The following OSBP2 variants were observed in gnomAD, a reference collection of about 807,000 sequenced individuals.
OSBP2 encodes oxysterol binding protein 2.
A neutral mutation model predicts 96.0 loss-of-function variants in OSBP2; 66 were observed. The observed-to-expected ratio is 0.69, with a 90% confidence interval of 0.56 to 0.84. The LOEUF is 0.84. Among genes scored for constraint, OSBP2 ranks in the 40% least tolerant of loss-of-function variants. The probability of loss-of-function intolerance (pLI) is 0.00; values close to 1 mark genes in which losing one functional copy is unlikely to be tolerated. For missense variants in OSBP2, 1,038 were observed against 1,222.7 expected (o/e 0.85, Z 2.25); for synonymous variants, 525 against 520.9 (o/e 1.01, Z -0.11).
At chr22:30,760,739 C>T (rs955603729) in intron 2 of OSBP2, among the ~76,000 whole-genome samples, 1 of 151,958 alleles carries the variant, frequency 6.6e-6, no homozygotes, top group African/African-American at 2.4e-5. Flanking sequence ...TCGCTTGAAC[C>T]CTGGCAGGGC....
intron 1 of OSBP2, among the ~76,000 whole-genome samples, chr22:30,703,580 A>G (rs957446707): frequency 4.6e-5 from 7 of 151,878 alleles, no homozygotes; most frequent in African/African-American, 1.5e-4. Context: ...GGTTCAAGCA[A>G]TTCTCCTGTC....
chr22:30,744,842 ACACTC>A (rs2089979079), intron 2 of OSBP2, among the ~76,000 whole-genome samples: 2 of 152,158 alleles, frequency 1.3e-5, no homozygotes, highest in African/African-American at 2.4e-5. Flanking sequence ...CATATACAAA[ACACTC>A]CACTCAACAA....
At chr22:30,900,484 G>T (rs2040172223) in intron 12 of OSBP2, among the ~76,000 whole-genome samples, 1 of 152,028 alleles carries the variant, frequency 6.6e-6, no homozygotes, top group South Asian at 2.1e-4. Context: ...CATGGAACTT[G>T]ATATTAGAAT....
At chr22:30,863,940 A>G (rs757417416) in intron 2 of OSBP2, among the ~76,000 whole-genome samples, 63 of 150,452 alleles carry the variant, frequency 4.2e-4, no homozygotes, top group Non-Finnish European at 3.7e-4. Context: ...GTTCTGAGCC[A>G]TGTTCTCAAA....
At chr22:30,879,357 T>G (rs148969843) in intron 3 of OSBP2, among the ~76,000 whole-genome samples, 1 of 152,250 alleles carries the variant, frequency 6.6e-6, no homozygotes, top group Non-Finnish European at 1.5e-5. Flanking sequence ...GGTTCCTGTG[T>G]GCGAGTGGCA....
At chr22:30,733,947 C>T (rs959149896) in intron 1 of OSBP2, among the ~76,000 whole-genome samples, 1 of 152,088 alleles carries the variant, frequency 6.6e-6, no homozygotes, top group African/African-American at 2.4e-5. Flanking sequence ...TGCCTCAAAA[C>T]ATGTCTCCTT....
intron 8 of OSBP2, among the ~76,000 whole-genome samples, chr22:30,891,644 C>G (rs2039950472): frequency 6.6e-6 from 1 of 151,728 alleles, no homozygotes; most frequent in African/African-American, 2.4e-5. Flanking sequence ...GTGTGGTGGC[C>G]AGACCTGGGG....
At chr22:30,762,660 G>A (rs566711692) in intron 2 of OSBP2, among the ~76,000 whole-genome samples, 173 of 152,368 alleles carry the variant, frequency 1.1e-3, no homozygotes, top group Non-Finnish European at 1.9e-3. Flanking sequence ...CAGCGTGAAT[G>A]CTGTACCTCT....
intron 2 of OSBP2, among the ~76,000 whole-genome samples, chr22:30,756,710 A>G (rs2090144915): frequency 6.6e-6 from 1 of 151,946 alleles, no homozygotes; most frequent in African/African-American, 2.4e-5. Flanking sequence ...AAACAAACAA[A>G]CAAAAAAAAC....
chr22:30,892,604 C>T (rs1182685850), intron 8 of OSBP2, among the ~76,000 whole-genome samples: 3 of 152,124 alleles, frequency 2.0e-5, no homozygotes, highest in Non-Finnish European at 4.4e-5. Context: ...GCCAGCAAGG[C>T]AGGGGAGGGC....
chr22:30,716,102 C>CTCA (rs2089451523), intron 1 of OSBP2, among the ~76,000 whole-genome samples: 1 of 150,772 alleles, frequency 6.6e-6, no homozygotes, highest in Non-Finnish European at 1.5e-5. Flanking sequence ...AGTGCAATGG[C>CTCA]ATGGTCTCGG....
chr22:30,729,592 T>G (rs2089711853), intron 1 of OSBP2, among the ~76,000 whole-genome samples: 1 of 152,140 alleles, frequency 6.6e-6, no homozygotes, highest in African/African-American at 2.4e-5. Flanking sequence ...GAGCCAAGAT[T>G]GTGCCATTGC....
Position 30,893,666 on chromosome 22 carries a change from A to C in OSBP2, c.2123A>C (p.Lys708Thr). 1 of 1,614,208 alleles carries C rather than the reference A, an allele frequency of 6.2e-7. No homozygotes were observed. Among genetic ancestry groups the C allele is most frequent in the Non-Finnish European group, 8.5e-7 (1 of 1,180,030 alleles). ...GGGGACATCGAGATTGTGAACCATA[A>C]GACCAATGACCGGTGCCAGCTGAAG... is the stretch of plus-strand genomic sequence containing the variant. ...QSGDIEIVNH[K>T]TNDRCQLKFL... Residue 708 changes from lysine (K) to threonine (T), a missense_variant, in exon 11 of 14, where the codon AAG becomes ACG. By Grantham distance (78) the Lys-to-Thr change is moderately conservative. Coordinates refer to ENST00000332585, the MANE Select transcript of OSBP2 (RefSeq NM_030758.4).
Position 30,813,430 on chromosome 22 carries a change from C to T in OSBP2, c.854-56999C>T, listed in dbSNP as rs535983605. Among the ~76,000 whole-genome samples, 625 of 151,926 alleles carry T rather than the reference C, an allele frequency of 4.1e-3. 1 individual carries two copies. Among genetic ancestry groups the T allele is most frequent in the Non-Finnish European group, 6.2e-3 (421 of 67,932 alleles). On this transcript the variant is annotated intron_variant, in intron 2 of 13. Transcript: ENST00000332585. ...CTCAAGTGATCCACCTGCCTCTGCCCCGCAAAGTGCTGGGATTATAGGCGT... is the reference window on the plus strand; with the variant it reads ...CTCAAGTGATCCACCTGCCTCTGCCTCGCAAAGTGCTGGGATTATAGGCGT...
intron 2 of OSBP2, among the ~76,000 whole-genome samples, chr22:30,818,639 T>C (rs55841013): frequency 0.047 from 7,206 of 152,220 alleles, 574 homozygotes; most frequent in African/African-American, 0.17. Flanking sequence ...CACAACCACA[T>C]CAATATGAAT....
At chr22:30,735,404 C>T (rs1403498414) in intron 1 of OSBP2, among the ~76,000 whole-genome samples, 1 of 139,172 alleles carries the variant, frequency 7.2e-6, no homozygotes, top group Non-Finnish European at 1.5e-5. Context: ...TTCTTCTCTT[C>T]TCTCTCTTTT....
chr22:30,845,668 G>A (rs568962404), intron 2 of OSBP2, among the ~76,000 whole-genome samples: 2 of 151,876 alleles, frequency 1.3e-5, no homozygotes, highest in Non-Finnish European at 2.9e-5. Flanking sequence ...CAGATCATGA[G>A]GTCAGGAGTT....
At chr22:30,732,582 C>T (rs1325742260) in intron 1 of OSBP2, among the ~76,000 whole-genome samples, 1 of 152,166 alleles carries the variant, frequency 6.6e-6, no homozygotes. Flanking sequence ...TTTCACATTC[C>T]TCCCTTACCC....
intron 2 of OSBP2, among the ~76,000 whole-genome samples, chr22:30,748,835 GC>G (rs1363337509): frequency 1.3e-5 from 2 of 152,194 alleles, no homozygotes; most frequent in African/African-American, 4.8e-5. Context: ...GTGTATTTAG[GC>G]CAGACATGGT....
Sources: allele counts gnomAD v4.1 joint callset (sites outside exome capture counted in the v4.1 genomes callset), GRCh38; gene constraint gnomAD v4.1.1; transcripts MANE v1.5; gene names NCBI Gene and HGNC (gene_info 2026-07-23, HGNC 2026-07-21).